The following SEMA3E variants were observed in gnomAD, a reference collection of about 807,000 sequenced individuals.
SEMA3E encodes the protein semaphorin 3E, also known as semaphorin-3E.
In SEMA3E, 49 loss-of-function variants were observed where a neutral mutation model predicts 93.6. That is an observed-to-expected ratio of 0.52 (90% CI 0.42 to 0.66). SEMA3E has a LOEUF of 0.66. Ranked by LOEUF, SEMA3E falls within the 30% of genes least tolerant of loss-of-function variation. The probability of loss-of-function intolerance (pLI) is 0.00; values close to 1 mark genes in which losing one functional copy is unlikely to be tolerated. For synonymous variants in SEMA3E, 363 were observed against 330.7 expected (o/e 1.10, Z -1.06); for missense variants, 906 against 964.8 (o/e 0.94, Z 0.81).
At chr7:83,423,087 G>A (rs533379719) in intron 4 of SEMA3E, among the ~76,000 whole-genome samples, 98 of 152,200 alleles carry the variant, frequency 6.4e-4, no homozygotes, top group African/African-American at 2.3e-3. Context: ...GAGTCGACAA[G>A]AAACAATATG....
At chr7:83,414,640 G>T (rs1268660631) in intron 5 of SEMA3E, among the ~76,000 whole-genome samples, 3 of 151,874 alleles carry the variant, frequency 2.0e-5, no homozygotes, top group Admixed American at 2.0e-4. Context: ...TAAAATTCAT[G>T]GACTATAAAA....
chr7:83,418,611 C>A, intron 4 of SEMA3E, 128 bp from the exon 5 acceptor site: 1 of 736,900 alleles, frequency 1.4e-6, no homozygotes, highest in East Asian at 2.7e-5. Context: ...CCAGTAGCAT[C>A]AATTTATTTA....
In SEMA3E at chr7:83,648,602, T is replaced by C; in HGVS notation, c.-60A>G. 1 of 1,280,644 alleles carries C rather than the reference T, an allele frequency of 7.8e-7. No homozygotes were observed. The highest frequency in any genetic ancestry group is 1.1e-6 in the Non-Finnish European group (1 of 885,146). The allele number at this position is 1,280,644 out of a possible 1,614,324, so 79.3% of individuals were successfully genotyped here. A position where few individuals can be genotyped will look rare whatever the true frequency, so the allele number is the denominator to read the frequency against. On this transcript the variant is annotated 5_prime_UTR_variant, in exon 1 of 17. Coordinates refer to ENST00000643230, the MANE Select transcript of SEMA3E (RefSeq NM_012431.3). ...ACTTTAAGGAGGGTCTGAGTTTTACTTAGGACTTCCCTCCAGGGGCAGCGT... is the reference window on the plus strand; with the variant it reads ...ACTTTAAGGAGGGTCTGAGTTTTACCTAGGACTTCCCTCCAGGGGCAGCGT...
At chr7:83,581,264 C>T (rs915592058) in intron 1 of SEMA3E, among the ~76,000 whole-genome samples, 4 of 151,996 alleles carry the variant, frequency 2.6e-5, no homozygotes, top group African/African-American at 9.7e-5. Flanking sequence ...ATCATTCCAT[C>T]AGTAAAAATT....
At chr7:83,384,514 A>G (rs1787842653) in intron 16 of SEMA3E, among the ~76,000 whole-genome samples, 1 of 151,394 alleles carries the variant, frequency 6.6e-6, no homozygotes, top group Non-Finnish European at 1.5e-5. Context: ...TCTACTTGCT[A>G]TCTTTGTAAT....
intron 4 of SEMA3E, among the ~76,000 whole-genome samples, chr7:83,426,595 GGATTAATCAA>G (rs1788773102): frequency 6.6e-6 from 1 of 151,924 alleles, no homozygotes; most frequent in African/African-American, 2.4e-5. Context: ...CCTGGCGATG[GGATTAATCAA>G]GACCCAAAAC....
At chr7:83,538,023 G>T (rs551961663) in intron 1 of SEMA3E, among the ~76,000 whole-genome samples, 8 of 152,080 alleles carry the variant, frequency 5.3e-5, no homozygotes, top group East Asian at 1.9e-4. Flanking sequence ...TGTTTTCAAG[G>T]TACATCCAAG....
chr7:83,630,235 A>G (rs1291304377), intron 1 of SEMA3E, among the ~76,000 whole-genome samples: 2 of 152,184 alleles, frequency 1.3e-5, no homozygotes, highest in Non-Finnish European at 2.9e-5. Flanking sequence ...CTATTTGGCC[A>G]TCTTGCCCGG....
chr7:83,371,441 A>C (rs1227737371), intron 16 of SEMA3E: 3 of 152,218 alleles, frequency 2.0e-5, no homozygotes, highest in African/African-American at 7.2e-5. Flanking sequence ...ATAGAGATAC[A>C]TATTTCAGTA....
chr7:83,499,729 C>G lies in SEMA3E; in HGVS notation c.116-9455G>C, dbSNP rs117451887. ...TTAATTCCCTTTTTATCTCATGCAG[C>G]CTCCTCTTTCATAAACTTAATTCTT... On this transcript the variant is annotated intron_variant, in intron 1 of 16. Coordinates refer to ENST00000643230, the MANE Select transcript of SEMA3E (RefSeq NM_012431.3). 5.4e-4 allele frequency among the ~76,000 whole-genome samples: 82 copies of G among 152,190 alleles called. 2 individuals are homozygous for G. In the East Asian group the frequency reaches 0.012, roughly 23 times the overall value.
In SEMA3E at chr7:83,408,396, A is replaced by G. The variant is rs1457393978; in HGVS notation, c.642T>C (p.Thr214=). 1.2e-6 allele frequency: 2 copies of G among 1,613,856 alleles called. No homozygotes were observed. Among genetic ancestry groups the G allele is most frequent in the South Asian group, 1.1e-5 (1 of 91,088 alleles). ...TCAACAGACGCTCATCGTCATGCTCAGTGCGGATATGGGCCAGTCGCCCCA... is the reference window on the plus strand; with the variant it reads ...TCAACAGACGCTCATCGTCATGCTCGGTGCGGATATGGGCCAGTCGCCCCA... ...RSMGRLAHIR[T]EHDDERLLKE... The change falls in exon 6 of 17, where the codon ACT becomes ACC. Residue 214 remains threonine (T), a synonymous_variant. Coordinates refer to ENST00000643230, the MANE Select transcript of SEMA3E (RefSeq NM_012431.3).
At chr7:83,556,501 A>G (rs1683513551) in intron 1 of SEMA3E, among the ~76,000 whole-genome samples, 7 of 152,182 alleles carry the variant, frequency 4.6e-5, no homozygotes, top group Non-Finnish European at 1.5e-5. Context: ...TTGTGTTTAG[A>G]AAAAGACCTA....
At chr7:83,619,904 C>CAGACAGATAGATAGATAGATAGAT (rs71522672) in intron 1 of SEMA3E, among the ~76,000 whole-genome samples, 2 of 148,040 alleles carry the variant, frequency 1.4e-5, no homozygotes, top group South Asian at 2.2e-4. Context: ...GATAGATAGA[C>CAGACAGATAGATAGATAGATAGAT]AGATAGATAG....
chr7:83,427,678 T>C (rs1464161803), intron 4 of SEMA3E, among the ~76,000 whole-genome samples: 1 of 152,166 alleles, frequency 6.6e-6, no homozygotes, highest in Non-Finnish European at 1.5e-5. Context: ...GTGTTTCATG[T>C]AGTGCACAAC....
In SEMA3E at chr7:83,392,719, T is replaced by A; in HGVS notation, c.1503A>T (p.Gln501His). 1 of 1,613,580 alleles carries A rather than the reference T, an allele frequency of 6.2e-7. No individual in the cohort carries two copies. The highest frequency in any genetic ancestry group is 8.5e-7 in the Non-Finnish European group (1 of 1,179,696). The change falls in exon 14 of 17, where the codon CAA (glutamine) becomes CAT (histidine). Residue 501 changes from glutamine to histidine, a missense_variant and splice_region_variant. Transcript: ENST00000643230. ...CAGAAGCAGATCCAATATACAGCTG[T>A]TGCTACAGAAATCAGAAAGAGGTCA... Reference protein sequence around the residue: ...IISMEISSKRQQLYIGSASAV... With the variant: ...IISMEISSKRHQLYIGSASAV...
chr7:83,640,894 A>T (rs1793996278), intron 1 of SEMA3E, among the ~76,000 whole-genome samples: 1 of 152,050 alleles, frequency 6.6e-6, no homozygotes. Flanking sequence ...ATAACCCAGA[A>T]ATGACAAGGA....
rs1357766567 is a variant in SEMA3E at position 83,364,140 on chromosome 7, C to T, written c.*3446G>A. On this transcript the variant is annotated 3_prime_UTR_variant, in exon 17 of 17. Coordinates refer to ENST00000643230, the MANE Select transcript of SEMA3E (RefSeq NM_012431.3). ...CGATCTCCTGACCTCATGATCCACC[C>T]GCCTCGGCCTCCCAAAGTGCTGGGA... 7 of 150,818 alleles carry T rather than the reference C, an allele frequency of 4.6e-5. No homozygotes were observed. The highest frequency in any genetic ancestry group is 4.2e-4 in the South Asian group (2 of 4,762). The allele number at this position is 150,818 out of a possible 1,614,324, so 9.3% of individuals were successfully genotyped here.
At chr7:83,556,449 C>CCA (rs1461280992) in intron 1 of SEMA3E, among the ~76,000 whole-genome samples, 1 of 151,968 alleles carries the variant, frequency 6.6e-6, no homozygotes, top group Non-Finnish European at 1.5e-5. Flanking sequence ...ACAAAACAGA[C>CCA]AATGATTCAT....
At chr7:83,478,393 T>G (rs528645349) in intron 2 of SEMA3E, among the ~76,000 whole-genome samples, 3 of 152,326 alleles carry the variant, frequency 2.0e-5, no homozygotes, top group African/African-American at 4.8e-5. Flanking sequence ...TTTCATTTTT[T>G]ATTTTTTCAT....
Sources: allele counts gnomAD v4.1 joint callset (sites outside exome capture counted in the v4.1 genomes callset), GRCh38; gene constraint gnomAD v4.1.1; transcripts MANE v1.5; gene names NCBI Gene and HGNC (gene_info 2026-07-23, HGNC 2026-07-21).